Variants in CPQ observed in about 807,000 individuals in gnomAD.
CPQ encodes the protein Ser-Met dipeptidase.
Under a neutral mutation model 45.7 loss-of-function variants are expected in CPQ, and 37 were observed. The ratio of observed to expected loss-of-function variants is 0.81; its 90% confidence interval spans 0.62 to 1.07. The LOEUF (loss-of-function observed/expected upper bound fraction) is 1.07. CPQ is among the 50% of genes least tolerant of loss of function. The pLI, the probability that CPQ is intolerant of heterozygous loss-of-function variation, is 0.00. For synonymous variants in CPQ, 186 were observed against 205.8 expected (o/e 0.90, Z 0.82); for missense variants, 537 against 572.9 (o/e 0.94, Z 0.64).
intron 3 of CPQ, among the ~76,000 whole-genome samples, chr8:96,847,183 T>A (rs949884804): frequency 6.6e-6 from 1 of 152,230 alleles, no homozygotes; most frequent in Non-Finnish European, 1.5e-5. Flanking sequence ...GTAGAGGAAA[T>A]ACATTGCAAT....
intron 4 of CPQ, among the ~76,000 whole-genome samples, chr8:96,935,621 A>C (rs1227200733): frequency 1.3e-5 from 2 of 152,202 alleles, no homozygotes; most frequent in Non-Finnish European, 2.9e-5. Flanking sequence ...TGTATTCCTG[A>C]TAGCATTAGC....
At chr8:97,098,959 G>A (rs943133443) in intron 7 of CPQ, among the ~76,000 whole-genome samples, 1 of 151,818 alleles carries the variant, frequency 6.6e-6, no homozygotes, top group Non-Finnish European at 1.5e-5. Flanking sequence ...AATTTAGAAA[G>A]CCATTTTGTA....
chr8:96,809,915 T>C (rs545246158), intron 2 of CPQ, among the ~76,000 whole-genome samples: 66 of 152,300 alleles, frequency 4.3e-4, no homozygotes, highest in African/African-American at 1.5e-3. Flanking sequence ...GCTTCGTCTC[T>C]TGCATTGAGC....
intron 7 of CPQ, among the ~76,000 whole-genome samples, chr8:97,113,464 T>C (rs1002613931): frequency 2.0e-5 from 3 of 152,202 alleles, no homozygotes; most frequent in South Asian, 2.1e-4. Context: ...AATTAGAATA[T>C]AGGCACAGTG....
At chr8:96,847,893 CTTT>C (rs3036452) in intron 3 of CPQ, among the ~76,000 whole-genome samples, 889 of 67,298 alleles carry the variant, frequency 0.013, 4 homozygotes, top group Middle Eastern at 0.11. Context: ...ATGAAAAGAG[CTTT>C]TTTTTTTTTT....
At chr8:96,892,579 T>C (rs955978928) in intron 4 of CPQ, among the ~76,000 whole-genome samples, 1 of 152,188 alleles carries the variant, frequency 6.6e-6, no homozygotes, top group Non-Finnish European at 1.5e-5. Flanking sequence ...TCTTTCTTAT[T>C]ATAAACTTTT....
intron 5 of CPQ, among the ~76,000 whole-genome samples, chr8:97,015,270 C>T (rs1809559290): frequency 6.6e-6 from 1 of 151,882 alleles, no homozygotes; most frequent in African/African-American, 2.4e-5. Flanking sequence ...TTTCTCCTTG[C>T]ACATAAAAAC....
At chr8:96,881,580 T>C (rs1165601795) in intron 4 of CPQ, among the ~76,000 whole-genome samples, 1 of 152,218 alleles carries the variant, frequency 6.6e-6, no homozygotes, top group African/African-American at 2.4e-5. Flanking sequence ...TTCTTCATTT[T>C]ATAGGTGAGA....
At chr8:96,908,167 C>T (rs915313157) in intron 4 of CPQ, among the ~76,000 whole-genome samples, 5 of 143,716 alleles carry the variant, frequency 3.5e-5, no homozygotes, top group South Asian at 2.2e-4. Flanking sequence ...GAGAGAGAGA[C>T]GAGAGAGAGA....
chr8:97,076,850 G>A (rs1478258362), intron 7 of CPQ, among the ~76,000 whole-genome samples: 1 of 152,074 alleles, frequency 6.6e-6, no homozygotes, highest in African/African-American at 2.4e-5. Context: ...GTTTAGGGGT[G>A]CTGAGCCCTG....
intron 1 of CPQ, among the ~76,000 whole-genome samples, chr8:96,767,428 C>T (rs1586392308): frequency 6.6e-6 from 1 of 151,754 alleles, no homozygotes; most frequent in Non-Finnish European, 1.5e-5. Flanking sequence ...TTTTGGCACT[C>T]CCTAGAGGAA....
At chr8:97,001,016 T>A (rs1809270955) in intron 5 of CPQ, among the ~76,000 whole-genome samples, 1 of 152,050 alleles carries the variant, frequency 6.6e-6, no homozygotes, top group South Asian at 2.1e-4. Context: ...GAATGGAAGT[T>A]TATTTATGAT....
At chr8:97,130,417 G>A (rs1158286684) in intron 7 of CPQ, among the ~76,000 whole-genome samples, 1 of 123,450 alleles carries the variant, frequency 8.1e-6, no homozygotes, top group African/African-American at 3.2e-5. Flanking sequence ...ATCATCGTCA[G>A]CTGTTTTTTT....
At chr8:96,680,049 T>G (rs1372427649) in intron 1 of CPQ, among the ~76,000 whole-genome samples, 1 of 152,212 alleles carries the variant, frequency 6.6e-6, no homozygotes, top group Non-Finnish European at 1.5e-5. Flanking sequence ...GAGGTAAGCA[T>G]TTATTGCTAT....
At chr8:96,875,617 T>A (rs957674128) in intron 3 of CPQ, among the ~76,000 whole-genome samples, 2 of 151,988 alleles carry the variant, frequency 1.3e-5, no homozygotes, top group Non-Finnish European at 2.9e-5. Flanking sequence ...CTAGAAGGGT[T>A]TATTTCTGGA....
At chr8:96,849,035 T>TA (rs2130858754) in intron 3 of CPQ, among the ~76,000 whole-genome samples, 1 of 152,336 alleles carries the variant, frequency 6.6e-6, no homozygotes, top group South Asian at 2.1e-4. Context: ...GGGAATGCCA[T>TA]ACTTTGTCAG....
intron 2 of CPQ, among the ~76,000 whole-genome samples, chr8:96,789,425 T>C (rs1367565009): frequency 6.6e-6 from 1 of 152,190 alleles, no homozygotes; most frequent in Non-Finnish European, 1.5e-5. Context: ...ATTGTTTTTC[T>C]GTTTTATTTT....
intron 1 of CPQ, among the ~76,000 whole-genome samples, chr8:96,673,927 A>G (rs949709902): frequency 1.3e-5 from 2 of 152,168 alleles, no homozygotes; most frequent in Non-Finnish European, 2.9e-5. Context: ...AGAGAAATGA[A>G]AAACAAATAA....
In CPQ at chr8:96,833,518, A is replaced by G. The variant is rs184561624; in HGVS notation, c.434-1455A>G. Among the ~76,000 whole-genome samples, 25 of 152,302 alleles carry G rather than the reference A, an allele frequency of 1.6e-4. No individual in the cohort carries two copies. The East Asian group carries it at 4.8e-3, about 29-fold the overall frequency. ...TATTCATTAGGAGCAGCTGCAAACC[A>G]TCAGCCAAGTTCCCATACTATGCCA... On this transcript the variant is annotated intron_variant, in intron 2 of 7. Coordinates refer to ENST00000220763, the MANE Select transcript of CPQ (RefSeq NM_016134.4).
Sources: allele counts gnomAD v4.1 joint callset (sites outside exome capture counted in the v4.1 genomes callset), GRCh38; gene constraint gnomAD v4.1.1; transcripts MANE v1.5; gene names NCBI Gene and HGNC (gene_info 2026-07-23, HGNC 2026-07-21).